Variants in TRIM5 observed in about 807,000 individuals in gnomAD.
TRIM5 encodes the protein tripartite motif containing 5, also known as tripartite motif-containing protein 5.
Under a neutral mutation model 35.6 loss-of-function variants are expected in TRIM5, and 31 were observed. That is an observed-to-expected ratio of 0.87 (90% confidence interval 0.65 to 1.18). The LOEUF is 1.18. TRIM5 is among the 50% of genes most tolerant of loss of function. The probability of loss-of-function intolerance (pLI) is 0.00; values close to 1 mark genes in which losing one functional copy is unlikely to be tolerated. For missense variants in TRIM5, 609 were observed against 591.6 expected (o/e 1.03, Z -0.31); for synonymous variants, 243 against 215.6 (o/e 1.13, Z -1.11).
chr11:5,655,669 A>G, the TRIM5 span: 1 of 985,432 alleles, frequency 1.0e-6, no homozygotes. Context: ...TGGAGGCTTC[A>G]TCGGTTTTTA....
At chr11:5,643,525 T>C in the TRIM5 span, 1 of 1,614,214 alleles carries the variant, frequency 6.2e-7, no homozygotes, top group Non-Finnish European at 8.5e-7. Context: ...TCCATGGCTG[T>C]GCCTCCCTGC....
At chr11:5,634,825 G>C in the TRIM5 span, 1 of 1,613,332 alleles carries the variant, frequency 6.2e-7, no homozygotes, top group African/African-American at 1.3e-5. Context: ...CAGATGTGGA[G>C]TGTCGGAGTC....
Position 5,678,049 on chromosome 11 carries a change from C to G in TRIM5, c.744+155G>C, listed in dbSNP as rs1001438587. On this transcript the variant is annotated intron_variant, in intron 4 of 7. Coordinates refer to ENST00000380034, the MANE Select transcript of TRIM5 (RefSeq NM_033034.3). Reference sequence around the variant, plus strand: ...AAAATGGGATTATCTCTTGCTACTTCTACATTCAATTATTCTTATAACTTC... The same window carrying G: ...AAAATGGGATTATCTCTTGCTACTTGTACATTCAATTATTCTTATAACTTC... 16 of 638,774 alleles carry G rather than the reference C, an allele frequency of 2.5e-5. No individual in the cohort carries two copies. In the African/African-American group the frequency reaches 3.0e-4, roughly 12 times the overall value. The allele number at this position is 638,774 out of a possible 1,614,324, so 39.6% of individuals were successfully genotyped here.
chr11:5,654,293 C>T, the TRIM5 span, among the ~76,000 whole-genome samples: 532 of 152,232 alleles, frequency 3.5e-3, 1 homozygote, highest in African/African-American at 0.012. Flanking sequence ...TCCAGTTTTA[C>T]AGATTTTCAT....
chr11:5,665,946 T>A, intron 6 of TRIM5, 35 bp downstream of exon 6: 1 of 1,579,548 alleles, frequency 6.3e-7, no homozygotes, highest in Non-Finnish European at 8.6e-7. Flanking sequence ...ACCACTTGAA[T>A]TCCATAACCC....
chr11:5,650,286 C>T, the TRIM5 span, among the ~76,000 whole-genome samples: 2 of 152,154 alleles, frequency 1.3e-5, no homozygotes, highest in African/African-American at 4.8e-5. Flanking sequence ...GGCCATTGCC[C>T]GTGATTCAGT....
chr11:5,588,642 A>C, the TRIM5 span, among the ~76,000 whole-genome samples: 2 of 79,998 alleles, frequency 2.5e-5, no homozygotes, highest in African/African-American at 5.2e-5. Flanking sequence ...TTCTTTCTTT[A>C]TACTAATTTT....
the TRIM5 span, among the ~76,000 whole-genome samples, chr11:5,621,941 T>G: frequency 2.0e-3 from 304 of 152,292 alleles, no homozygotes; most frequent in Middle Eastern, 0.01. Flanking sequence ...AGTTGTGCTC[T>G]GATCACCTTG....
At chr11:5,616,019 C>G in the TRIM5 span, among the ~76,000 whole-genome samples, 1 of 147,834 alleles carries the variant, frequency 6.8e-6, no homozygotes, top group Non-Finnish European at 1.5e-5. Context: ...GGCGCGATCT[C>G]GGCTCACTGC....
Position 5,665,024 on chromosome 11 carries a change from C to T in TRIM5, c.1267G>A (p.Val423Ile), listed in dbSNP as rs201187556. 1.9e-6 allele frequency: 3 copies of T among 1,614,110 alleles called. No individual in the cohort carries two copies. The highest frequency in any genetic ancestry group is 1.7e-5 in the Admixed American group (1 of 60,018). The part of the protein sequence containing the change: ...FQDSSFHTPS[V>I]PFIVPLSVII... ...ACAGAGAGGGGCACAATGAAAGGAACAGAAGGAGTATGGAAGGAACTATCC... is the reference window on the plus strand; with the variant it reads ...ACAGAGAGGGGCACAATGAAAGGAATAGAAGGAGTATGGAAGGAACTATCC... The change falls in exon 8 of 8, where the codon GTT (valine) becomes ATT (isoleucine). Residue 423 changes from valine (V) to isoleucine (I), a missense_variant. Coordinates refer to ENST00000380034, the MANE Select transcript of TRIM5 (RefSeq NM_033034.3).
At chr11:5,638,489 T>C in the TRIM5 span, among the ~76,000 whole-genome samples, 4 of 138,354 alleles carry the variant, frequency 2.9e-5, no homozygotes, top group Non-Finnish European at 6.1e-5. Flanking sequence ...CACCAGCTGG[T>C]GTCATGAAAG....
At chr11:5,611,079 TG>T in the TRIM5 span, 1 of 1,614,214 alleles carries the variant, frequency 6.2e-7, no homozygotes, top group Non-Finnish European at 8.5e-7. Context: ...GAGTGGATAC[TG>T]GGTGATTGGG....
chr11:5,630,693 G>A, the TRIM5 span, among the ~76,000 whole-genome samples: 3 of 151,994 alleles, frequency 2.0e-5, no homozygotes, highest in Admixed American at 6.6e-5. Flanking sequence ...AGATATCTTG[G>A]ATAGTTCTCT....
At chr11:5,611,518 A>G in the TRIM5 span, 2 of 599,524 alleles carry the variant, frequency 3.3e-6, no homozygotes, top group East Asian at 2.9e-5. Flanking sequence ...CACTGGCGCA[A>G]TCTCGGCTCA....
the TRIM5 span, among the ~76,000 whole-genome samples, chr11:5,628,932 T>C: frequency 5.7e-4 from 87 of 152,246 alleles, 1 homozygote; most frequent in African/African-American, 2.0e-3. Context: ...CTGCCTCTAC[T>C]GTCACATGGC....
the TRIM5 span, chr11:5,603,125 G>C: frequency 6.8e-7 from 1 of 1,478,036 alleles, no homozygotes; most frequent in Non-Finnish European, 9.0e-7. Context: ...TTGGATATGA[G>C]AATGAGAAGC....
In TRIM5 at chr11:5,664,518, T is replaced by C; in HGVS notation, c.*291A>G. The C allele has an allele frequency of 9.1e-7, 1 of 1,101,702 alleles. No individual in the cohort carries two copies. Among genetic ancestry groups the C allele is most frequent in the Non-Finnish European group, 1.1e-6 (1 of 903,310 alleles). 68.2% of individuals were successfully genotyped at this position (1,101,702 alleles called of 1,614,324 possible). On this transcript the variant is annotated 3_prime_UTR_variant, in exon 8 of 8. Coordinates refer to ENST00000380034, the MANE Select transcript of TRIM5 (RefSeq NM_033034.3). The stretch of plus-strand genomic sequence containing the variant: ...GTGTCAGAGGCAATTGGGTGATAAA[T>C]ATCTGGCAGAAGTAATACCTAAATA...
At chr11:5,605,590 G>T in the TRIM5 span, 3 of 1,592,722 alleles carry the variant, frequency 1.9e-6, no homozygotes, top group African/African-American at 4.1e-5. Flanking sequence ...AAGGAGCCCA[G>T]ATCTGAGAGT....
chr11:5,669,314 A>T (rs12271225), intron 4 of TRIM5, among the ~76,000 whole-genome samples: 25,139 of 152,046 alleles, frequency 0.17, 2,313 homozygotes, highest in African/African-American at 0.24. Flanking sequence ...TCCCAACCTC[A>T]GGCGATCCGC....
Sources: gnomAD v4.1 joint callset for allele counts (sites outside exome capture counted in the v4.1 genomes callset) on GRCh38, gnomAD v4.1.1 for gene constraint, MANE v1.5 for transcripts, NCBI Gene and HGNC (gene_info 2026-07-23, HGNC 2026-07-21) for gene names.